Variants in ARHGEF10 observed in about 807,000 individuals in gnomAD.
ARHGEF10 encodes Rho guanine nucleotide exchange factor (GEF) 10.
Under a neutral mutation model 147.4 loss-of-function variants are expected in ARHGEF10, and 140 were observed. That is an observed-to-expected ratio of 0.95 (90% CI 0.83 to 1.09). The LOEUF is 1.09. Ranked by LOEUF, ARHGEF10 falls within the 50% of genes least tolerant of loss-of-function variation. The pLI is 0.00. For missense variants in ARHGEF10, 2,222 were observed against 1,752.7 expected (o/e 1.27, Z -4.78); for synonymous variants, 902 against 695.8 (o/e 1.30, Z -4.67).
At chr8:1,881,575 T>TCCCCC (rs1808200173) in intron 9 of ARHGEF10, among the ~76,000 whole-genome samples, 1 of 146,326 alleles carries the variant, frequency 6.8e-6, no homozygotes, top group Non-Finnish European at 1.5e-5. Context: ...CCCCGGGGGA[T>TCCCCC]GGGGGACAGC....
At chr8:1,850,302 G>A (rs1172280082) in intron 2 of ARHGEF10, among the ~76,000 whole-genome samples, 2 of 134,630 alleles carry the variant, frequency 1.5e-5, no homozygotes, top group East Asian at 2.3e-4. Flanking sequence ...GGGCATGGAC[G>A]GCAAATGCTG....
intron 1 of ARHGEF10, among the ~76,000 whole-genome samples, chr8:1,842,883 A>G (rs1402439963): frequency 1.3e-5 from 2 of 152,142 alleles, no homozygotes; most frequent in Non-Finnish European, 2.9e-5. Flanking sequence ...TACCAAAAGG[A>G]GTGGAGAGGG....
chr8:1,929,071 G>A (rs1297278164), intron 24 of ARHGEF10, among the ~76,000 whole-genome samples: 1 of 148,022 alleles, frequency 6.8e-6, no homozygotes, highest in African/African-American at 2.5e-5. Context: ...ACAGTAGGAA[G>A]AACTAAGTTT....
chr8:1,911,747 T>C (rs1166389082), intron 18 of ARHGEF10, among the ~76,000 whole-genome samples: 2 of 152,164 alleles, frequency 1.3e-5, no homozygotes, highest in Non-Finnish European at 2.9e-5. Flanking sequence ...CTGCAGCCGG[T>C]GAATGACGTC....
chr8:1,922,817 G>C, intron 18 of ARHGEF10, 147 bp from the exon 19 acceptor site: 1 of 633,800 alleles, frequency 1.6e-6, no homozygotes, highest in Non-Finnish European at 2.7e-6. Flanking sequence ...ACCACTAAAT[G>C]CTTGAAAATG....
chr8:1,866,524 A>C lies in ARHGEF10; in HGVS notation c.546-2A>C. The C allele has an allele frequency of 6.2e-7, 1 of 1,611,906 alleles. No homozygotes were observed. Among genetic ancestry groups the C allele is most frequent in the Non-Finnish European group, 8.5e-7 (1 of 1,179,948 alleles). ...CTGACTTTATGGTTTGTTTTCTTTA[A>C]GTGAAGATCAAGTCGGTCGAGAGGA... is the stretch of plus-strand genomic sequence containing the variant. On this transcript the variant is annotated splice_acceptor_variant, in intron 5 of 28. Coordinates refer to ENST00000349830, the MANE Select transcript of ARHGEF10 (RefSeq NM_014629.4). LOFTEE classifies it high-confidence loss of function.
At chr8:1,876,407 G>C in intron 7 of ARHGEF10, 164 bp from the exon 8 acceptor site, 1 of 725,612 alleles carries the variant, frequency 1.4e-6, no homozygotes, top group Non-Finnish European at 2.4e-6. Context: ...GGCGCTGCAC[G>C]GTGCCTTCCA....
intron 19 of ARHGEF10, 136 bp from the exon 20 acceptor site, chr8:1,923,332 C>G: frequency 1.5e-6 from 2 of 1,363,640 alleles, no homozygotes; most frequent in Middle Eastern, 2.6e-4. Flanking sequence ...ATCTGACTCC[C>G]AAAGCTTTCT....
chr8:1,859,691 C>A (rs1805930145), intron 3 of ARHGEF10, among the ~76,000 whole-genome samples: 1 of 152,212 alleles, frequency 6.6e-6, no homozygotes, highest in Non-Finnish European at 1.5e-5. Context: ...CAGGCTGCAT[C>A]CGTCTCACCT....
intron 1 of ARHGEF10, among the ~76,000 whole-genome samples, 174 bp downstream of exon 1, chr8:1,824,287 A>C (rs978651640): frequency 6.6e-6 from 1 of 150,858 alleles, no homozygotes; most frequent in South Asian, 2.1e-4. Context: ...CCCCCCGAGC[A>C]GCTCCCCCTT....
rs1563346100 is a variant in ARHGEF10 at position 1,958,377 on chromosome 8, T to C, written c.*1114T>C. ...GTGCACACCATCATGTCAAGGTGCATACTTAGTGAGCGCCATCCTGCTGAA... is the reference window on the plus strand; with the variant it reads ...GTGCACACCATCATGTCAAGGTGCACACTTAGTGAGCGCCATCCTGCTGAA... On this transcript the variant is annotated 3_prime_UTR_variant, in exon 29 of 29. Coordinates refer to ENST00000349830, the MANE Select transcript of ARHGEF10 (RefSeq NM_014629.4). 6.6e-6 allele frequency: 1 copy of C among 152,220 alleles called. No homozygotes were observed. The highest frequency in any genetic ancestry group is 1.5e-5 in the Non-Finnish European group (1 of 68,042). The allele number at this position is 152,220 out of a possible 1,614,324, so 9.4% of individuals were successfully genotyped here. A position where few individuals can be genotyped will look rare whatever the true frequency, so the allele number is the denominator to read the frequency against.
chr8:1,896,297 C>T (rs751688492), intron 13 of ARHGEF10, 36 bp from the exon 14 acceptor site: 1 of 1,444,330 alleles, frequency 6.9e-7, no homozygotes, highest in Non-Finnish European at 9.8e-7. Flanking sequence ...TATCTGGACT[C>T]TGTGATTTCT....
Position 1,858,115 on chromosome 8 carries a change from G to A in ARHGEF10, c.193G>A (p.Gly65Arg), listed in dbSNP as rs1022200702. ...AGCCAGTGAAGCCCCTGCACCCACA[G>A]GTGAGTTTCCAGGAGGGTCCCCAGG... The part of the protein sequence containing the change: ...AGASEAPAPT[G>R]GEDGAGAETT... The change falls in exon 3 of 29, where the codon GGA (glycine) becomes AGA (arginine). Residue 65 changes from glycine (G) to arginine (R), a missense_variant and splice_region_variant. Coordinates refer to ENST00000349830, the MANE Select transcript of ARHGEF10 (RefSeq NM_014629.4). 7 of 1,613,402 alleles carry A rather than the reference G, an allele frequency of 4.3e-6. No homozygotes were observed. The highest frequency in any genetic ancestry group is 1.7e-5 in the Admixed American group (1 of 59,936).
chr8:1,858,273 T>A (rs541605308), intron 3 of ARHGEF10, among the ~76,000 whole-genome samples, 158 bp downstream of exon 3: 1 of 151,252 alleles, frequency 6.6e-6, no homozygotes, highest in African/African-American at 2.4e-5. Context: ...GGTTCCCAGG[T>A]GAGTCCGCAG....
rs544429980 is a variant in ARHGEF10, at chr8:1,933,649, C to G, written c.3080-151C>G. The G allele has an allele frequency of 1.7e-5, 18 of 1,034,904 alleles. No individual in the cohort carries two copies. In the Admixed American group the frequency reaches 3.5e-4, roughly 20 times the overall value. 64.1% of individuals were successfully genotyped at this position (1,034,904 alleles called of 1,614,324 possible). A position where few individuals can be genotyped will look rare whatever the true frequency, so the allele number is the denominator to read the frequency against. On this transcript the variant is annotated intron_variant, in intron 25 of 28. Coordinates refer to ENST00000349830, the MANE Select transcript of ARHGEF10 (RefSeq NM_014629.4). ...CCAACTGGGGTGGGTGTCAGCTTGT[C>G]GATCCCCAGACACAGCCAGGATCAG... is the stretch of plus-strand genomic sequence containing the variant.
chr8:1,919,339 TG>T (rs2129202931), intron 18 of ARHGEF10, among the ~76,000 whole-genome samples: 2 of 147,930 alleles, frequency 1.4e-5, no homozygotes, highest in East Asian at 4.1e-4. Flanking sequence ...AGCTGTTCTG[TG>T]GGTAATAAAC....
intron 10 of ARHGEF10, among the ~76,000 whole-genome samples, chr8:1,883,450 C>G (rs894299849): frequency 2.0e-5 from 3 of 152,124 alleles, no homozygotes; most frequent in African/African-American, 7.2e-5. Context: ...ATGTGCCTGT[C>G]TGGTGCTAGG....
intron 2 of ARHGEF10, among the ~76,000 whole-genome samples, chr8:1,855,506 G>T (rs1341428861): frequency 1.3e-5 from 2 of 151,788 alleles, no homozygotes; most frequent in African/African-American, 4.8e-5. Context: ...CTCAGCCTTC[G>T]GAGTAGGTGG....
chr8:1,922,616 C>T (rs551824065), intron 18 of ARHGEF10, among the ~76,000 whole-genome samples: 1 of 152,234 alleles, frequency 6.6e-6, no homozygotes, highest in East Asian at 1.9e-4. Flanking sequence ...CATGTGAAAG[C>T]GGTGAGGTTT....
Sources: allele counts gnomAD v4.1 joint callset (sites outside exome capture counted in the v4.1 genomes callset), GRCh38; gene constraint gnomAD v4.1.1; transcripts MANE v1.5; gene names NCBI Gene and HGNC (gene_info 2026-07-23, HGNC 2026-07-21).